SMAD7: variants seen among roughly 807,000 people sequenced by gnomAD.
SMAD7 encodes MAD (mothers against decapentaplegic, Drosophila) homolog 7.
SMAD7 carries 8 observed loss-of-function variants against 38.7 expected under a neutral mutation model. That is an observed-to-expected ratio of 0.21 (90% CI 0.12 to 0.37). The LOEUF (loss-of-function observed/expected upper bound fraction) is 0.37, where lower values mean the gene tolerates loss of function less well. Among genes scored for constraint, SMAD7 ranks in the 10% least tolerant of loss-of-function variants. The pLI is 1.00. For synonymous variants in SMAD7, 327 were observed against 265.1 expected, an observed-to-expected ratio of 1.23 and a Z score of -2.27; for missense variants, 477 against 577.9, an observed-to-expected ratio of 0.83 and a Z score of 1.79.
chr18:48,937,356 C>T (rs925793062), intron 3 of SMAD7, among the ~76,000 whole-genome samples: 1 of 149,736 alleles, frequency 6.7e-6, no homozygotes, highest in African/African-American at 2.5e-5. Context: ...AAAGTGACAC[C>T]ACCCAAAGCC....
rs1599239556 is a variant in SMAD7 at position 48,950,768 on chromosome 18, G to GC, written c.-345dup. ...CGCTTCCCTGGGGACGGCCGAGCCT[G>GC]CCCCCGTCGGCGCCTCCCCAAAAAG... On this transcript the variant is annotated 5_prime_UTR_variant, in exon 1 of 4. Coordinates refer to ENST00000262158, the MANE Select transcript of SMAD7 (RefSeq NM_005904.4). 1 of 150,336 alleles carries GC rather than the reference G, an allele frequency of 6.7e-6. No individual in the cohort carries two copies. Among genetic ancestry groups the GC allele is most frequent in the South Asian group, 2.1e-4 (1 of 4,832 alleles). The allele number at this position is 150,336 out of a possible 1,614,324, so 9.3% of individuals were successfully genotyped here.
intron 3 of SMAD7, among the ~76,000 whole-genome samples, chr18:48,924,744 TC>T (rs2069905612): frequency 6.6e-6 from 1 of 152,064 alleles, no homozygotes; most frequent in Non-Finnish European, 1.5e-5. Flanking sequence ...GCCTCTGTCC[TC>T]CCGTTAGGAC....
chr18:48,941,425 G>C (rs191164889), intron 3 of SMAD7, among the ~76,000 whole-genome samples: 2 of 152,284 alleles, frequency 1.3e-5, no homozygotes, highest in African/African-American at 4.8e-5. Context: ...GGAGCCGTCC[G>C]GGAATGAACT....
At chr18:48,924,717 C>T (rs1470111198) in intron 3 of SMAD7, among the ~76,000 whole-genome samples, 1 of 152,128 alleles carries the variant, frequency 6.6e-6, no homozygotes, top group Admixed American at 6.5e-5. Context: ...CTGTCCCCTC[C>T]AGCTCCCCCA....
chr18:48,947,841 G>C (rs547261828), intron 2 of SMAD7, among the ~76,000 whole-genome samples: 1 of 149,788 alleles, frequency 6.7e-6, no homozygotes, highest in Admixed American at 6.7e-5. Flanking sequence ...CGAATACTGA[G>C]AAAACCCCGG....
chr18:48,949,726 T>C (rs531593379), intron 1 of SMAD7, 86 bp downstream of exon 1: 3 of 1,415,870 alleles, frequency 2.1e-6, no homozygotes, highest in African/African-American at 2.9e-5. Flanking sequence ...CCTGGAGGGA[T>C]GGCTGCACAA....
chr18:48,950,061 G>T lies in SMAD7; in HGVS notation c.364C>A (p.Arg122Ser). The T allele has an allele frequency of 1.4e-6, 2 of 1,437,078 alleles. No homozygotes were observed. Among genetic ancestry groups the T allele is most frequent in the Non-Finnish European group, 1.8e-6 (2 of 1,098,234 alleles). The allele number at this position is 1,437,078 out of a possible 1,614,324, so 89.0% of individuals were successfully genotyped here. A position where few individuals can be genotyped will look rare whatever the true frequency, so the allele number is the denominator to read the frequency against. ...LQAVESRGGT[R>S]TACLLLPGRL... Reference sequence around the variant, plus strand: ...CCGGGCAGCAGGAGGCACGCGGTGCGCGTCCCGCCGCGGGACTCCACGGCC... The same window carrying T: ...CCGGGCAGCAGGAGGCACGCGGTGCTCGTCCCGCCGCGGGACTCCACGGCC... The change falls in exon 1 of 4, where the codon CGC becomes AGC. Residue 122 changes from arginine to serine, a missense_variant. Around this residue, in one of 2 missense-constraint regions of SMAD7, gnomAD observed 376 missense variants for 379.4 expected, o/e 0.99. Coordinates refer to ENST00000262158, the MANE Select transcript of SMAD7 (RefSeq NM_005904.4).
At chr18:48,948,257 AG>A in intron 2 of SMAD7, 126 bp downstream of exon 2, 1 of 576,036 alleles carries the variant, frequency 1.7e-6, no homozygotes, top group East Asian at 3.4e-5. Flanking sequence ...CTTCCAACAG[AG>A]GAAACCTAGA....
chr18:48,922,578 TCA>T (rs559685265), intron 3 of SMAD7, among the ~76,000 whole-genome samples: 342 of 152,246 alleles, frequency 2.2e-3, no homozygotes, highest in Non-Finnish European at 4.0e-3. Context: ...GAAAACAGTC[TCA>T]GTGTGTCAGC....
chr18:48,933,103 C>A (rs567589671), intron 3 of SMAD7, among the ~76,000 whole-genome samples: 1 of 152,112 alleles, frequency 6.6e-6, no homozygotes, highest in Non-Finnish European at 1.5e-5. Flanking sequence ...GGTGGGGAGG[C>A]GGGCTGGAAC....
At chr18:48,930,000 G>C (rs1462705342) in intron 3 of SMAD7, 1 of 152,062 alleles carries the variant, frequency 6.6e-6, no homozygotes, top group Non-Finnish European at 1.5e-5. Flanking sequence ...GGATGGGATG[G>C]CATTTTGAAC....
chr18:48,948,264 C>T (rs1338669962), intron 2 of SMAD7, 120 bp downstream of exon 2: 3 of 616,024 alleles, frequency 4.9e-6, no homozygotes, highest in African/African-American at 1.9e-5. Context: ...CAGAGGAAAC[C>T]TAGAACCAAC....
chr18:48,936,074 C>CAA, intron 3 of SMAD7, among the ~76,000 whole-genome samples: 1 of 112,760 alleles, frequency 8.9e-6, no homozygotes, highest in Non-Finnish European at 1.8e-5. Flanking sequence ...GACTCCATCT[C>CAA]AAAACACACA....
intron 3 of SMAD7, among the ~76,000 whole-genome samples, chr18:48,923,253 G>C (rs1336096794): frequency 6.6e-6 from 1 of 152,224 alleles, no homozygotes; most frequent in Non-Finnish European, 1.5e-5. Flanking sequence ...AGCAGGGGTT[G>C]AGTGTGAGAT....
intron 3 of SMAD7, among the ~76,000 whole-genome samples, chr18:48,931,092 T>G (rs542696566): frequency 2.0e-5 from 3 of 152,272 alleles, no homozygotes; most frequent in Admixed American, 2.0e-4. Context: ...GATTCCACTA[T>G]TCTATGAAGT....
chr18:48,923,379 C>A (rs1325860160), intron 3 of SMAD7, among the ~76,000 whole-genome samples: 1 of 152,218 alleles, frequency 6.6e-6, no homozygotes, highest in Admixed American at 6.5e-5. Context: ...GCTGCCCCAG[C>A]AGGCTGGGTA....
chr18:48,940,879 G>C (rs992454749), intron 3 of SMAD7, among the ~76,000 whole-genome samples: 2 of 151,844 alleles, frequency 1.3e-5, no homozygotes, highest in African/African-American at 4.8e-5. Context: ...GGGCGGGTGA[G>C]GAGGCACTCA....
chr18:48,925,518 G>T (rs1363010369), intron 3 of SMAD7, among the ~76,000 whole-genome samples: 2 of 152,074 alleles, frequency 1.3e-5, no homozygotes. Flanking sequence ...GAAAGGAGAG[G>T]ACTTCAGCCT....
At chr18:48,948,713 G>A (rs1251656989) in intron 1 of SMAD7, among the ~76,000 whole-genome samples, 1 of 152,232 alleles carries the variant, frequency 6.6e-6, no homozygotes, top group Admixed American at 6.5e-5. Context: ...CCGGAGCCGC[G>A]CACTTCACAG....
Sources: allele counts gnomAD v4.1 joint callset (sites outside exome capture counted in the v4.1 genomes callset), GRCh38; gene constraint gnomAD v4.1.1; regional missense constraint gnomAD v4.1.1; transcripts MANE v1.5; gene names NCBI Gene and HGNC (gene_info 2026-07-23, HGNC 2026-07-21).